The following BCAS3 variants were observed in gnomAD, a reference collection of about 807,000 sequenced individuals.
BCAS3 encodes BCAS4/BCAS3 fusion.
BCAS3 carries 53 observed loss-of-function variants against 116.1 expected under a neutral mutation model. That is an observed-to-expected ratio of 0.46 (90% CI 0.37 to 0.57). The LOEUF is 0.57. Among genes scored for constraint, BCAS3 ranks in the 20% least tolerant of loss-of-function variants. BCAS3 has a pLI of 0.00. For synonymous variants in BCAS3, 391 were observed against 408.2 expected, an observed-to-expected ratio of 0.96 and a Z score of 0.51; for missense variants, 917 against 1,165.4, an observed-to-expected ratio of 0.79 and a Z score of 3.10.
intron 19 of BCAS3, among the ~76,000 whole-genome samples, chr17:61,071,780 A>G (rs188064606): frequency 5.9e-5 from 9 of 152,340 alleles, no homozygotes; most frequent in African/African-American, 2.2e-4. Flanking sequence ...TTAACACCAC[A>G]GTGCCAATTA....
At chr17:61,048,019 C>T (rs532774549) in intron 19 of BCAS3, among the ~76,000 whole-genome samples, 3 of 152,050 alleles carry the variant, frequency 2.0e-5, no homozygotes, top group African/African-American at 7.2e-5. Context: ...AGAAATATAG[C>T]TTAGATATAC....
At position 61,323,921 on chromosome 17, in the gene BCAS3, A is replaced by G. The variant is rs2055517481; in HGVS notation, c.2426-44406A>G. On this transcript the variant is annotated intron_variant, in intron 22 of 23. Transcript: ENST00000407086. The surrounding 1 kb of genome is among the most constrained non-coding windows in gnomAD (Gnocchi z 4.6). ...ACGCTTCTTCCCTTCTTGTTTGCACATTCTTCCTGGAGGAAAATGATAGCT... is the reference window on the plus strand; with the variant it reads ...ACGCTTCTTCCCTTCTTGTTTGCACGTTCTTCCTGGAGGAAAATGATAGCT... Among the ~76,000 whole-genome samples, 1 of 152,218 alleles carries G rather than the reference A, an allele frequency of 6.6e-6. No individual in the cohort carries two copies. The highest frequency in any genetic ancestry group is 1.5e-5 in the Non-Finnish European group (1 of 68,046).
In BCAS3 at chr17:61,222,261, G is replaced by C. The variant is rs2082150382; in HGVS notation, c.2425+137697G>C. ...ACCTTTGAAAGAAAGGGCCTCCATAGGCTTGTCAAACCATAGACTTCAATT... is the reference window on the plus strand; with the variant it reads ...ACCTTTGAAAGAAAGGGCCTCCATACGCTTGTCAAACCATAGACTTCAATT... On this transcript the variant is annotated intron_variant, in intron 22 of 23. Transcript: ENST00000407086. The surrounding 1 kb of genome is among the most constrained non-coding windows in gnomAD (Gnocchi z 6.1). Among the ~76,000 whole-genome samples, 1 of 152,200 alleles carries C rather than the reference G, an allele frequency of 6.6e-6. No individual in the cohort carries two copies. Among genetic ancestry groups the C allele is most frequent in the Non-Finnish European group, 1.5e-5 (1 of 68,042 alleles).
chr17:61,308,353 C>T (rs928317616), intron 22 of BCAS3, among the ~76,000 whole-genome samples: 22 of 151,208 alleles, frequency 1.5e-4, no homozygotes, highest in Middle Eastern at 6.8e-3. Flanking sequence ...TTCCACCCCC[C>T]AACCCCCATC....
intron 8 of BCAS3, 68 bp downstream of exon 8, chr17:60,868,751 A>G (rs1462392960): frequency 3.3e-5 from 30 of 914,516 alleles, no homozygotes; most frequent in Non-Finnish European, 4.6e-5. Flanking sequence ...GGAGAACTCT[A>G]CCAGTTTCAA....
At chr17:60,716,726 T>G (rs114866228) in intron 5 of BCAS3, among the ~76,000 whole-genome samples, 4,811 of 150,678 alleles carry the variant, frequency 0.032, 243 homozygotes, top group African/African-American at 0.11. Context: ...AAAAAAAAAA[T>G]AATAATAATA....
intron 13 of BCAS3, among the ~76,000 whole-genome samples, chr17:60,932,929 CTT>C (rs2059735996): frequency 6.6e-6 from 1 of 151,936 alleles, no homozygotes; most frequent in Non-Finnish European, 1.5e-5. Context: ...AATCCCAACA[CTT>C]TGGGAGGCCG....
rs564440382 is a variant in BCAS3, at chr17:61,200,024, C to T, written c.2425+115460C>T. On this transcript the variant is annotated intron_variant, in intron 22 of 23. Coordinates refer to ENST00000407086, the MANE Select transcript of BCAS3 (RefSeq NM_017679.5). The surrounding 1 kb of genome is among the most constrained non-coding windows in gnomAD (Gnocchi z 5.1). Reference sequence around the variant, plus strand: ...CACCAATTTTGGATGAGATAAGTTACCCTTTCTTCCAGAATAATCCAAAAA... The same window carrying T: ...CACCAATTTTGGATGAGATAAGTTATCCTTTCTTCCAGAATAATCCAAAAA... Among the ~76,000 whole-genome samples the T allele has an allele frequency of 4.6e-5, 7 of 152,274 alleles. No homozygotes were observed. In the South Asian group the frequency reaches 1.2e-3, roughly 27 times the overall value.
At chr17:61,150,800 A>G (rs947600487) in intron 22 of BCAS3, among the ~76,000 whole-genome samples, 1 of 152,114 alleles carries the variant, frequency 6.6e-6, no homozygotes, top group Admixed American at 6.5e-5. Context: ...TTCTAACTTA[A>G]CCCATCCTGA....
chr17:60,990,080 G>T lies in BCAS3; in HGVS notation c.1331G>T (p.Arg444Leu). The stretch of plus-strand genomic sequence containing the variant: ...CCTTATGGTGGCCAGCCTTGTGTTC[G>T]TACACATATGTCACCACGAGTAGTG... ...INPYGGQPCV[R>L]THMSPRVVNR... The change falls in exon 15 of 24, where the codon CGT becomes CTT. Residue 444 changes from arginine to leucine, a missense_variant. Transcript: ENST00000407086. The surrounding 1 kb of genome is among the most constrained non-coding windows in gnomAD (Gnocchi z 5.1). 6.2e-7 allele frequency: 1 copy of T among 1,614,092 alleles called. No homozygotes were observed. The highest frequency in any genetic ancestry group is 8.5e-7 in the Non-Finnish European group (1 of 1,180,036).
chr17:60,725,253 TTTAA>T (rs1283397791), intron 5 of BCAS3, among the ~76,000 whole-genome samples: 3 of 152,178 alleles, frequency 2.0e-5, no homozygotes, highest in African/African-American at 4.8e-5. Flanking sequence ...TTTTCATTGG[TTTAA>T]TTGTCTGCTT....
In BCAS3 at chr17:61,200,486, C is replaced by T. The variant is rs551769182; in HGVS notation, c.2425+115922C>T. Reference sequence around the variant, plus strand: ...GAACCTGAGCTTCAGAAAGGGCCCTCGGCTTGCCGAAGGCCGTATGGTAAA... The same window carrying T: ...GAACCTGAGCTTCAGAAAGGGCCCTTGGCTTGCCGAAGGCCGTATGGTAAA... On this transcript the variant is annotated intron_variant, in intron 22 of 23. Transcript: ENST00000407086. The surrounding 1 kb of genome is among the most constrained non-coding windows in gnomAD (Gnocchi z 5.1). Among the ~76,000 whole-genome samples, 12 of 152,294 alleles carry T rather than the reference C, an allele frequency of 7.9e-5. No homozygotes were observed. In the South Asian group the frequency reaches 1.9e-3, roughly 24 times the overall value.
At position 61,186,066 on chromosome 17, in the gene BCAS3, T is replaced by C. The variant is rs1355544315; in HGVS notation, c.2425+101502T>C. Among the ~76,000 whole-genome samples the C allele has an allele frequency of 6.6e-6, 1 of 152,228 alleles. No homozygotes were observed. The highest frequency in any genetic ancestry group is 2.4e-5 in the African/African-American group (1 of 41,470). On this transcript the variant is annotated intron_variant, in intron 22 of 23. Coordinates refer to ENST00000407086, the MANE Select transcript of BCAS3 (RefSeq NM_017679.5). This position sits in a 1 kb window ranked among gnomAD's most constrained non-coding sequence, Gnocchi z 4.9. ...TAACATTAGGATGGAGGGTGAAATA[T>C]AATTTTTATTTTTTTGCCTAATAGC...
rs574387113 is a variant in BCAS3, at chr17:61,364,326, C to T, written c.2426-4001C>T. Among the ~76,000 whole-genome samples, 5 of 152,290 alleles carry T rather than the reference C, an allele frequency of 3.3e-5. No homozygotes were observed. Among genetic ancestry groups the T allele is most frequent in the South Asian group, 2.1e-4 (1 of 4,828 alleles). ...CACCACCACCAAACTCCAAGCAACT[C>T]GGGCTGGTTGGGAGTGGGAAGGGTT... On this transcript the variant is annotated intron_variant, in intron 22 of 23. Transcript: ENST00000407086. This position sits in a 1 kb window ranked among gnomAD's most constrained non-coding sequence, Gnocchi z 5.4.
chr17:60,811,228 T>TG, intron 7 of BCAS3: 1 of 841,680 alleles, frequency 1.2e-6, no homozygotes, highest in Non-Finnish European at 1.9e-6. Context: ...GCACAGACCC[T>TG]GCAGAGGGAC....
At chr17:60,710,988 A>T (rs1272888504) in intron 5 of BCAS3, among the ~76,000 whole-genome samples, 1 of 151,744 alleles carries the variant, frequency 6.6e-6, no homozygotes, top group South Asian at 2.1e-4. Flanking sequence ...ACTTTAATGG[A>T]GACAGGGTCC....
At chr17:60,808,131 A>G (rs1568296445) in intron 7 of BCAS3, 55 bp downstream of exon 7, 1 of 1,216,368 alleles carries the variant, frequency 8.2e-7, no homozygotes, top group Non-Finnish European at 1.2e-6. Context: ...ATATTATTCC[A>G]GAGGGAGAAC....
intron 22 of BCAS3, among the ~76,000 whole-genome samples, chr17:61,318,391 A>C (rs1484412724): frequency 6.6e-6 from 1 of 152,180 alleles, no homozygotes; most frequent in Non-Finnish European, 1.5e-5. Flanking sequence ...ATGGAGCAGC[A>C]GCCCTCTCCT....
At position 60,995,081 on chromosome 17, in the gene BCAS3, G is replaced by A. The variant is rs1487441078; in HGVS notation, c.1486+4846G>A. Among the ~76,000 whole-genome samples, 1 of 152,158 alleles carries A rather than the reference G, an allele frequency of 6.6e-6. No individual in the cohort carries two copies. The highest frequency in any genetic ancestry group is 1.5e-5 in the Non-Finnish European group (1 of 68,012). ...CAAGCTCCGCCTCCTGGGTTCAAGC[G>A]ATTCTCCTGCTTCAGCCTCCTGAGT... On this transcript the variant is annotated intron_variant, in intron 15 of 23. Transcript: ENST00000407086. This position sits in a 1 kb window ranked among gnomAD's most constrained non-coding sequence, Gnocchi z 4.7.
Sources: gnomAD v4.1 joint callset for allele counts (sites outside exome capture counted in the v4.1 genomes callset) on GRCh38, gnomAD v4.1.1 for gene constraint, Gnocchi (gnomAD v3.1) non-coding constraint, MANE v1.5 for transcripts, NCBI Gene and HGNC (gene_info 2026-07-23, HGNC 2026-07-21) for gene names.